Variants in MMP27 observed in about 807,000 individuals in gnomAD.
MMP27 encodes the protein matrix metalloproteinase-27.
MMP27 carries 51 observed loss-of-function variants against 48.1 expected under a neutral mutation model. The observed-to-expected ratio is 1.06, with a 90% CI of 0.85 to 1.34. MMP27 has a LOEUF of 1.34. Ranked by LOEUF, MMP27 falls within the 40% of genes most tolerant of loss-of-function variation. MMP27 has a pLI of 0.00. For missense variants in MMP27, 698 were observed against 619.3 expected (o/e 1.13, Z -1.35); for synonymous variants, 229 against 208.9 (o/e 1.10, Z -0.83).
rs1216692028 is a variant in MMP27 at position 102,703,060 on chromosome 11, C to T, written c.400G>A (p.Gly134Ser). 6.2e-7 allele frequency: 1 copy of T among 1,614,130 alleles called. No homozygotes were observed. The highest frequency in any genetic ancestry group is 1.1e-5 in the South Asian group (1 of 91,084). Residue 134 changes from glycine (G) to serine (S), a missense_variant, in exon 3 of 10, where the codon GGT becomes AGT. By Grantham distance (56) the Gly-to-Ser change is moderately conservative. Coordinates refer to ENST00000260229, the MANE Select transcript of MMP27 (RefSeq NM_022122.3). The part of the protein sequence containing the change: ...RAAVDEAIQE[G>S]LEVWSKVTPL... The stretch of plus-strand genomic sequence containing the variant: ...GTGACTTTGCTCCACACTTCTAAAC[C>T]TTCTTGGATAGCCTCATCCACAGCA...
In MMP27 at chr11:102,705,720, T is replaced by C. The variant is rs1159511839; in HGVS notation, c.-6A>G. 6.3e-7 allele frequency: 1 copy of C among 1,596,660 alleles called. No individual in the cohort carries two copies. The highest frequency in any genetic ancestry group is 1.4e-5 in the African/African-American group (1 of 73,942). ...AGAAGCAGAAGGCGCTTCATTCCTC[T>C]CTTTCTTCAGCTGAAGCCGGTTCTG... On this transcript the variant is annotated 5_prime_UTR_variant, in exon 1 of 10. Coordinates refer to ENST00000260229, the MANE Select transcript of MMP27 (RefSeq NM_022122.3).
At chr11:102,705,292 G>A (rs1861025146) in intron 1 of MMP27, among the ~76,000 whole-genome samples, 1 of 152,056 alleles carries the variant, frequency 6.6e-6, no homozygotes, top group South Asian at 2.1e-4. Flanking sequence ...ATTGTAGATT[G>A]GGTCCTCCTG....
In MMP27 at chr11:102,703,030, G is replaced by A. The variant is rs1349240699; in HGVS notation, c.430C>T (p.Leu144=). The A allele has an allele frequency of 6.2e-7, 1 of 1,614,166 alleles. No individual in the cohort carries two copies. Among genetic ancestry groups the A allele is most frequent in the Non-Finnish European group, 8.5e-7 (1 of 1,180,016 alleles). The change falls in exon 3 of 10, where the codon CTA becomes TTA. Residue 144 remains leucine, a synonymous_variant. Transcript: ENST00000260229. ...CCCTTTGAAATCTTGGTGAATTTTA[G>A]TGGAGTGACTTTGCTCCACACTTCT... is the stretch of plus-strand genomic sequence containing the variant. The part of the protein sequence containing the change: ...GLEVWSKVTP[L]KFTKISKGIA...
chr11:102,696,426 A>C lies in MMP27; in HGVS notation c.847T>G (p.Leu283Val). ...PTIPHACDPDLTFDAITTFRR... is the reference protein window; with the variant it reads ...PTIPHACDPDVTFDAITTFRR... ...AAAGTTGTGATAGCGTCAAAAGTCAAGTCAGGGTCACAGGCATGGGGTATA... is the reference window on the plus strand; with the variant it reads ...AAAGTTGTGATAGCGTCAAAAGTCACGTCAGGGTCACAGGCATGGGGTATA... The change falls in exon 6 of 10, where the codon TTG becomes GTG. Residue 283 changes from leucine to valine, a missense_variant. By Grantham distance (32) the Leu-to-Val change is conservative. Coordinates refer to ENST00000260229, the MANE Select transcript of MMP27 (RefSeq NM_022122.3). 1 of 1,613,916 alleles carries C rather than the reference A, an allele frequency of 6.2e-7. No individual in the cohort carries two copies. Among genetic ancestry groups the C allele is most frequent in the Non-Finnish European group, 8.5e-7 (1 of 1,179,886 alleles).
At chr11:102,701,186 A>G (rs1215289155) in intron 4 of MMP27, among the ~76,000 whole-genome samples, 1 of 152,164 alleles carries the variant, frequency 6.6e-6, no homozygotes, top group Non-Finnish European at 1.5e-5. Flanking sequence ...TCAGAAGACA[A>G]TCCTTTTTGG....
chr11:102,696,517 A>G (rs377611002), intron 5 of MMP27, 26 bp from the exon 6 acceptor site: 17 of 1,611,712 alleles, frequency 1.1e-5, no homozygotes, highest in Admixed American at 3.4e-5. Context: ...AAATACCACA[A>G]TGAATTAAGA....
In MMP27 at chr11:102,697,795, T is replaced by A. The variant is rs2155555; in HGVS notation, c.620-960A>T. ...CTGGGATTACAGGTGTGAGCCACCA[T>A]ACCTGGCCTAAACTTTTAAATTTTT... On this transcript the variant is annotated intron_variant, in intron 4 of 9. Transcript: ENST00000260229. Among the ~76,000 whole-genome samples, 113 of 152,140 alleles carry A rather than the reference T, an allele frequency of 7.4e-4. 1 individual carries two copies. Among genetic ancestry groups the A allele is most frequent in the African/African-American group, 2.5e-3 (104 of 41,504 alleles).
chr11:102,692,828 A>C (rs1591655260), intron 9 of MMP27, 110 bp downstream of exon 9: 1 of 806,322 alleles, frequency 1.2e-6, no homozygotes, highest in African/African-American at 1.7e-5. Context: ...GTATATACTT[A>C]AGAGTAGCAA....
chr11:102,704,899 G>C (rs893568584), intron 1 of MMP27, 124 bp from the exon 2 acceptor site: 21 of 621,474 alleles, frequency 3.4e-5, no homozygotes, highest in Middle Eastern at 8.5e-4. Context: ...AAAAAAAGAA[G>C]TAATGAGAGA....
chr11:102,703,243 T>C, intron 2 of MMP27, 125 bp from the exon 3 acceptor site: 1 of 818,514 alleles, frequency 1.2e-6, no homozygotes, highest in Non-Finnish European at 1.9e-6. Flanking sequence ...GGTGCAATTA[T>C]CTTACAGTTG....
chr11:102,696,841 T>A lies in MMP27; in HGVS notation c.620-6A>T, dbSNP rs374951001. On this transcript the variant is annotated splice_region_variant and splice_polypyrimidine_tract_variant and intron_variant, in intron 4 of 9. Coordinates refer to ENST00000260229, the MANE Select transcript of MMP27 (RefSeq NM_022122.3). Reference sequence around the variant, plus strand: ...CACAAGAAACAAGTTGAATCCTTGATAATAACAGGGAAAACACGAGCACAT... The same window carrying A: ...CACAAGAAACAAGTTGAATCCTTGAAAATAACAGGGAAAACACGAGCACAT... The A allele has an allele frequency of 6.2e-6, 10 of 1,605,120 alleles. No individual in the cohort carries two copies. The highest frequency in any genetic ancestry group is 2.7e-5 in the African/African-American group (2 of 74,376).
rs759553146 is a variant in MMP27, at chr11:102,704,783, A to T, written c.103-8T>A. On this transcript the variant is annotated splice_region_variant and splice_polypyrimidine_tract_variant and intron_variant, in intron 1 of 9. Coordinates refer to ENST00000260229, the MANE Select transcript of MMP27 (RefSeq NM_022122.3). ...GAACTGGTTGAGATATGCCTGACCA[A>T]AAAGATAAGAAAAAAAAAAAAGAGG... is the stretch of plus-strand genomic sequence containing the variant. The T allele has an allele frequency of 6.5e-7, 1 of 1,550,336 alleles. No individual in the cohort carries two copies. The highest frequency in any genetic ancestry group is 2.2e-5 in the East Asian group (1 of 44,482).
intron 2 of MMP27, 92 bp downstream of exon 2, chr11:102,704,445 G>T (rs2134278401): frequency 5.1e-6 from 5 of 975,498 alleles, no homozygotes; most frequent in African/African-American, 1.6e-5. Flanking sequence ...CACAGGAAGT[G>T]CTCAGTCAAT....
chr11:102,695,630 G>A (rs1860810390), intron 6 of MMP27, among the ~76,000 whole-genome samples: 1 of 152,162 alleles, frequency 6.6e-6, no homozygotes, highest in Admixed American at 6.5e-5. Context: ...GCCTCTGCTG[G>A]TCAGAGAATG....
At chr11:102,702,652 A>G in intron 4 of MMP27, 101 bp downstream of exon 4, 1 of 1,346,552 alleles carries the variant, frequency 7.4e-7, no homozygotes, top group Non-Finnish European at 1.0e-6. Context: ...TTGTGGGGAC[A>G]TTGGGAACTT....
intron 7 of MMP27, 124 bp from the exon 8 acceptor site, chr11:102,694,189 C>T: frequency 1.7e-6 from 1 of 577,938 alleles, no homozygotes; most frequent in Non-Finnish European, 2.8e-6. Context: ...AATCTTATGT[C>T]CACATTCATT....
At position 102,691,660 on chromosome 11, in the gene MMP27, A is replaced by G; in HGVS notation, c.*106T>C. Reference sequence around the variant, plus strand: ...CTCAAAATGGCCATTGAATTTGGATATTTAGAACTAGGACCAGCAACTTGT... The same window carrying G: ...CTCAAAATGGCCATTGAATTTGGATGTTTAGAACTAGGACCAGCAACTTGT... On this transcript the variant is annotated 3_prime_UTR_variant, in exon 10 of 10. Coordinates refer to ENST00000260229, the MANE Select transcript of MMP27 (RefSeq NM_022122.3). The G allele has an allele frequency of 9.6e-7, 1 of 1,036,982 alleles. No individual in the cohort carries two copies. Among genetic ancestry groups the G allele is most frequent in the Non-Finnish European group, 1.4e-6 (1 of 739,152 alleles). The allele number at this position is 1,036,982 out of a possible 1,614,324, so 64.2% of individuals were successfully genotyped here. A position where few individuals can be genotyped will look rare whatever the true frequency, so the allele number is the denominator to read the frequency against.
intron 4 of MMP27, among the ~76,000 whole-genome samples, chr11:102,699,537 G>A (rs1054093868): frequency 1.3e-5 from 2 of 152,178 alleles, no homozygotes; most frequent in East Asian, 1.9e-4. Context: ...TAAGTGCATG[G>A]AGCCTAAGGA....
chr11:102,691,682 T>C lies in MMP27; in HGVS notation c.*84A>G, dbSNP rs1270823678. 1.6e-6 allele frequency: 2 copies of C among 1,230,886 alleles called. No homozygotes were observed. The highest frequency in any genetic ancestry group is 2.2e-6 in the Non-Finnish European group (2 of 906,390). 76.2% of individuals were successfully genotyped at this position (1,230,886 alleles called of 1,614,324 possible). ...GATATTTAGAACTAGGACCAGCAACTTGTTGTTAAAGAATGGTTTTATTCT... is the reference window on the plus strand; with the variant it reads ...GATATTTAGAACTAGGACCAGCAACCTGTTGTTAAAGAATGGTTTTATTCT... On this transcript the variant is annotated 3_prime_UTR_variant, in exon 10 of 10. Transcript: ENST00000260229.
Sources: gnomAD v4.1 joint callset for allele counts (sites outside exome capture counted in the v4.1 genomes callset) on GRCh38, gnomAD v4.1.1 for gene constraint, MANE v1.5 for transcripts, NCBI Gene and HGNC (gene_info 2026-07-23, HGNC 2026-07-21) for gene names.